The following TMEM132D variants were observed in gnomAD, a reference collection of about 807,000 sequenced individuals.
TMEM132D encodes the protein transmembrane protein 132D, also known as mature OL transmembrane protein.
Under a neutral mutation model 62.3 loss-of-function variants are expected in TMEM132D, and 21 were observed. That is an observed-to-expected ratio of 0.34 (90% CI 0.24 to 0.49). The LOEUF (loss-of-function observed/expected upper bound fraction) is 0.49, where lower values mean the gene tolerates loss of function less well. TMEM132D is among the 20% of genes least tolerant of loss of function. TMEM132D has a pLI of 0.99. For synonymous variants in TMEM132D, 621 were observed against 575.6 expected (o/e 1.08, Z -1.13); for missense variants, 1,346 against 1,402.8 (o/e 0.96, Z 0.65).
At position 129,700,005 on chromosome 12, in the gene TMEM132D, T is replaced by C. The variant is rs753657574; in HGVS notation, c.773A>G (p.Asp258Gly). Residue 258 changes from aspartate to glycine, a missense_variant, in exon 2 of 9, where the codon GAT (aspartate) becomes GGT (glycine). By Grantham distance (94) the Asp-to-Gly change is moderately conservative. Transcript: ENST00000422113. The stretch of plus-strand genomic sequence containing the variant: ...CCTCTGCAAGGGGGGCCCGGACTCA[T>C]CGATGTCACTGTGGCCTGTCCGGAT... ...NGIRTGHSDI[D>G]ESGPPLQRIG... 12 of 1,613,928 alleles carry C rather than the reference T, an allele frequency of 7.4e-6. No individual in the cohort carries two copies. Among genetic ancestry groups the C allele is most frequent in the East Asian group, 6.7e-5 (3 of 44,868 alleles).
chr12:129,498,308 C>T (rs1875023097), intron 3 of TMEM132D, among the ~76,000 whole-genome samples: 1 of 151,858 alleles, frequency 6.6e-6, no homozygotes, highest in South Asian at 2.1e-4. Context: ...GGCTGGAGTG[C>T]AGTGGCACGA....
chr12:129,610,338 T>C (rs552843619), intron 2 of TMEM132D, among the ~76,000 whole-genome samples: 17 of 152,064 alleles, frequency 1.1e-4, no homozygotes, highest in South Asian at 4.2e-4. Context: ...ATTGAATTGA[T>C]TGAATTGACA....
intron 1 of TMEM132D, among the ~76,000 whole-genome samples, chr12:129,874,397 G>A (rs368926186): frequency 4.7e-4 from 71 of 152,032 alleles, no homozygotes; most frequent in Middle Eastern, 3.4e-3. Flanking sequence ...GTGACAGAGC[G>A]AGACTCTGTC....
At chr12:129,649,754 A>G (rs1377812771) in intron 2 of TMEM132D, among the ~76,000 whole-genome samples, 2 of 152,040 alleles carry the variant, frequency 1.3e-5, no homozygotes, top group Non-Finnish European at 2.9e-5. Flanking sequence ...AAAGATATAT[A>G]CACATATGTA....
At chr12:129,287,191 T>C (rs12312224) in intron 4 of TMEM132D, among the ~76,000 whole-genome samples, 8,328 of 152,234 alleles carry the variant, frequency 0.055, 437 homozygotes, top group East Asian at 0.25. Context: ...TGGCAGGAGA[T>C]GACTTGAAGT....
intron 3 of TMEM132D, among the ~76,000 whole-genome samples, chr12:129,339,555 CCACGGTGGGCTTT>C (rs1195372829): frequency 6.6e-6 from 1 of 152,156 alleles, no homozygotes; most frequent in Non-Finnish European, 1.5e-5. Flanking sequence ...ATCCCCTAGG[CCACGGTGGGCTTT>C]TTTCTCCCAT....
chr12:129,606,712 G>A (rs538153315), intron 2 of TMEM132D, among the ~76,000 whole-genome samples: 2 of 152,298 alleles, frequency 1.3e-5, no homozygotes, highest in South Asian at 4.1e-4. Context: ...TTGTAACTGA[G>A]ATAATTTTCT....
chr12:129,642,380 T>C (rs1364429886), intron 2 of TMEM132D, among the ~76,000 whole-genome samples: 1 of 152,222 alleles, frequency 6.6e-6, no homozygotes, highest in Non-Finnish European at 1.5e-5. Flanking sequence ...CCAGCATGCA[T>C]AGCATTTGGA....
intron 1 of TMEM132D, among the ~76,000 whole-genome samples, chr12:129,811,180 A>G (rs1370373119): frequency 1.3e-5 from 2 of 151,732 alleles, no homozygotes; most frequent in Non-Finnish European, 2.9e-5. Flanking sequence ...ATGTTTGGGG[A>G]AAATGACCTG....
At position 129,457,349 on chromosome 12, in the gene TMEM132D, C is replaced by T. The variant is rs190964060; in HGVS notation, c.1115+73710G>A. 3.8e-3 allele frequency among the ~76,000 whole-genome samples: 557 copies of T among 148,128 alleles called. 21 individuals are homozygous for T. In the East Asian group the frequency reaches 0.08, roughly 21 times the overall value. On this transcript the variant is annotated intron_variant, in intron 3 of 8. Coordinates refer to ENST00000422113, the MANE Select transcript of TMEM132D (RefSeq NM_133448.3). ...GCAAACTATTGCAAGGACAAAAAACCAAACACCGCATGTTCTCACTCATAG... is the reference window on the plus strand; with the variant it reads ...GCAAACTATTGCAAGGACAAAAAACTAAACACCGCATGTTCTCACTCATAG...
At chr12:129,169,360 T>C (rs1269005280) in intron 5 of TMEM132D, among the ~76,000 whole-genome samples, 2 of 152,058 alleles carry the variant, frequency 1.3e-5, no homozygotes, top group South Asian at 2.1e-4. Flanking sequence ...ACATGAATGG[T>C]GTGAGGATGT....
At chr12:129,348,205 G>C (rs1407804588) in intron 3 of TMEM132D, among the ~76,000 whole-genome samples, 1 of 152,128 alleles carries the variant, frequency 6.6e-6, no homozygotes, top group Non-Finnish European at 1.5e-5. Context: ...CCATTACTGG[G>C]TATATACCCA....
At chr12:129,383,058 G>A (rs953508510) in intron 3 of TMEM132D, among the ~76,000 whole-genome samples, 4 of 152,158 alleles carry the variant, frequency 2.6e-5, no homozygotes, top group African/African-American at 7.2e-5. Context: ...GCACACTGAG[G>A]AGTTTGCTAC....
chr12:129,571,545 C>T (rs1193314718), intron 2 of TMEM132D, among the ~76,000 whole-genome samples: 1 of 151,952 alleles, frequency 6.6e-6, no homozygotes, highest in Non-Finnish European at 1.5e-5. Flanking sequence ...TGCACTCCAG[C>T]CTGGGTAACA....
chr12:129,696,867 T>A (rs1171968075), intron 2 of TMEM132D, among the ~76,000 whole-genome samples: 1 of 152,164 alleles, frequency 6.6e-6, no homozygotes, highest in Non-Finnish European at 1.5e-5. Context: ...AAAGAAAGCG[T>A]TTTGCTTTTC....
intron 1 of TMEM132D, among the ~76,000 whole-genome samples, chr12:129,802,847 G>A (rs1226810291): frequency 1.3e-5 from 2 of 151,292 alleles, no homozygotes; most frequent in Non-Finnish European, 2.9e-5. Flanking sequence ...GAGGAAGATC[G>A]ACCAAGCAAA....
At chr12:129,392,983 G>A (rs1392263292) in intron 3 of TMEM132D, among the ~76,000 whole-genome samples, 1 of 152,208 alleles carries the variant, frequency 6.6e-6, no homozygotes, top group Non-Finnish European at 1.5e-5. Context: ...ACCTCTACTT[G>A]CCTCCAATCT....
intron 4 of TMEM132D, among the ~76,000 whole-genome samples, chr12:129,289,552 A>T (rs1881392034): frequency 6.7e-6 from 1 of 148,552 alleles, no homozygotes; most frequent in Admixed American, 6.8e-5. Context: ...CTCAATAAAA[A>T]AAAAAAAAAA....
intron 4 of TMEM132D, among the ~76,000 whole-genome samples, chr12:129,278,873 T>C (rs1451625656): frequency 2.0e-5 from 3 of 152,166 alleles, no homozygotes; most frequent in Admixed American, 2.0e-4. Context: ...GTTGTCTGAC[T>C]CAAAGGTCAC....
Sources: gnomAD v4.1 joint callset for allele counts (sites outside exome capture counted in the v4.1 genomes callset) on GRCh38, gnomAD v4.1.1 for gene constraint, MANE v1.5 for transcripts, NCBI Gene and HGNC (gene_info 2026-07-23, HGNC 2026-07-21) for gene names.